Variants in NRG1 observed in about 807,000 individuals in gnomAD.
NRG1 encodes the protein pro-neuregulin-1, membrane-bound isoform.
In NRG1, 18 loss-of-function variants were observed where a neutral mutation model predicts 63.8. That is an observed-to-expected ratio of 0.28 (90% CI 0.19 to 0.42). NRG1 has a LOEUF of 0.42. NRG1 is among the 10% of genes least tolerant of loss of function. The pLI is 1.00. For synonymous variants in NRG1, 302 were observed against 301.3 expected (o/e 1.00, Z -0.02); for missense variants, 762 against 814.7 (o/e 0.94, Z 0.79).
At chr8:31,676,003 A>G (rs988534581) in intron 1 of NRG1, among the ~76,000 whole-genome samples, 3 of 152,178 alleles carry the variant, frequency 2.0e-5, no homozygotes, top group Non-Finnish European at 2.9e-5. Flanking sequence ...TGGCTAATCT[A>G]TAAGCAGTCA....
At chr8:32,589,277 A>T (rs1001303738) in intron 1 of NRG1, among the ~76,000 whole-genome samples, 1 of 152,242 alleles carries the variant, frequency 6.6e-6, no homozygotes, top group Non-Finnish European at 1.5e-5. Context: ...ACAAGGAGAG[A>T]GAAATATGAC....
intron 5 of NRG1, among the ~76,000 whole-genome samples, chr8:32,725,140 G>A (rs981111496): frequency 3.3e-5 from 5 of 151,984 alleles, no homozygotes; most frequent in African/African-American, 1.2e-4. Context: ...GTCTACATTT[G>A]GGGGGGAGTT....
At chr8:32,540,192 A>C (rs1320617769) in intron 1 of NRG1, among the ~76,000 whole-genome samples, 3 of 152,166 alleles carry the variant, frequency 2.0e-5, no homozygotes, top group Non-Finnish European at 4.4e-5. Flanking sequence ...AGGATAAAGG[A>C]AGGAGAGTAT....
At chr8:32,639,988 A>G (rs1171638727) in intron 5 of NRG1, among the ~76,000 whole-genome samples, 6 of 152,242 alleles carry the variant, frequency 3.9e-5, no homozygotes, top group Non-Finnish European at 8.8e-5. Flanking sequence ...CATAAAAGCA[A>G]AATTATATCT....
chr8:31,841,257 G>A (rs1826177671), intron 1 of NRG1, among the ~76,000 whole-genome samples: 1 of 152,034 alleles, frequency 6.6e-6, no homozygotes, highest in Admixed American at 6.6e-5. Flanking sequence ...TGGGCTTCTG[G>A]AGAGACACAG....
At chr8:32,088,993 G>A (rs1047360257) in intron 1 of NRG1, among the ~76,000 whole-genome samples, 6 of 152,192 alleles carry the variant, frequency 3.9e-5, no homozygotes, top group Middle Eastern at 3.4e-3. Context: ...GCCTATTTTG[G>A]TCTCTAAACT....
chr8:31,681,780 C>T (rs1808362763), intron 1 of NRG1, among the ~76,000 whole-genome samples: 1 of 151,134 alleles, frequency 6.6e-6, no homozygotes, highest in Admixed American at 6.6e-5. Flanking sequence ...AGAATACTTG[C>T]TTGGAAAATT....
intron 1 of NRG1, among the ~76,000 whole-genome samples, chr8:31,986,248 A>C (rs754182446): frequency 6.6e-6 from 1 of 152,068 alleles, no homozygotes; most frequent in Admixed American, 6.6e-5. Flanking sequence ...AAAGTGCATC[A>C]GTAAGAGATC....
intron 1 of NRG1, among the ~76,000 whole-genome samples, chr8:31,927,677 T>C (rs1834492042): frequency 6.7e-6 from 1 of 149,174 alleles, no homozygotes; most frequent in Non-Finnish European, 1.5e-5. Context: ...CTCGATCTCC[T>C]GACCTCGTGA....
intron 1 of NRG1, among the ~76,000 whole-genome samples, chr8:32,081,872 T>C (rs900678599): frequency 5.9e-5 from 9 of 152,110 alleles, no homozygotes; most frequent in Admixed American, 5.9e-4. Flanking sequence ...CCCAGGAGGC[T>C]CTTTGATTCT....
At chr8:32,332,449 T>C (rs1802767557) in intron 1 of NRG1, among the ~76,000 whole-genome samples, 3 of 152,214 alleles carry the variant, frequency 2.0e-5, no homozygotes, top group Admixed American at 2.0e-4. Context: ...GTCAGTCACT[T>C]CTCTGTGTGC....
At chr8:32,081,651 A>G (rs991662061) in intron 1 of NRG1, among the ~76,000 whole-genome samples, 1 of 152,152 alleles carries the variant, frequency 6.6e-6, no homozygotes, top group African/African-American at 2.4e-5. Context: ...TAATATTTGG[A>G]AAGACAGACT....
intron 5 of NRG1, among the ~76,000 whole-genome samples, chr8:32,667,646 A>G (rs781321649): frequency 1.3e-5 from 2 of 152,178 alleles, no homozygotes; most frequent in Admixed American, 6.5e-5. Flanking sequence ...AGTGCTTGCT[A>G]GAGAGATGTT....
rs1324543354 is a variant in NRG1 at position 32,728,149 on chromosome 8, T to C, written c.632+71T>C. 3 of 1,580,162 alleles carry C rather than the reference T, an allele frequency of 1.9e-6. No individual in the cohort carries two copies. In the East Asian group the frequency reaches 6.8e-5, roughly 36 times the overall value. ...TTTCAGATGATTCTATGTCTCATGA[T>C]GTATTGTTGCTTTTTTTCCAATTTT... On this transcript the variant is annotated intron_variant, in intron 6 of 11. Transcript: ENST00000356819.
chr8:32,687,739 A>G (rs1328759428), intron 5 of NRG1, among the ~76,000 whole-genome samples: 1 of 152,214 alleles, frequency 6.6e-6, no homozygotes, highest in Non-Finnish European at 1.5e-5. Flanking sequence ...ATATAATCAT[A>G]ACTGTAGTCA....
intron 1 of NRG1, among the ~76,000 whole-genome samples, chr8:31,916,775 G>A (rs560034961): frequency 7.8e-4 from 119 of 151,966 alleles, no homozygotes; most frequent in African/African-American, 2.6e-3. Context: ...CTGAGGAATC[G>A]CCACACTGAC....
intron 1 of NRG1, among the ~76,000 whole-genome samples, chr8:32,399,155 C>A (rs922815729): frequency 8.5e-5 from 13 of 152,070 alleles, no homozygotes; most frequent in South Asian, 2.1e-4. Context: ...ATTATTTTTT[C>A]ATTAGAGTCC....
intron 1 of NRG1, 151 bp downstream of exon 1, chr8:32,548,977 T>TC: frequency 8.8e-7 from 1 of 1,141,434 alleles, no homozygotes; most frequent in Non-Finnish European, 1.2e-6. Context: ...GCGCGGTGCT[T>TC]CCCCTCCTGG....
chr8:31,662,812 A>G (rs1806131088), intron 1 of NRG1, among the ~76,000 whole-genome samples: 1 of 152,178 alleles, frequency 6.6e-6, no homozygotes, highest in Admixed American at 6.5e-5. Flanking sequence ...AAAAACACAT[A>G]CCAAGAACTT....
Sources: gnomAD v4.1 joint callset for allele counts (sites outside exome capture counted in the v4.1 genomes callset) on GRCh38, gnomAD v4.1.1 for gene constraint, MANE v1.5 for transcripts, NCBI Gene and HGNC (gene_info 2026-07-23, HGNC 2026-07-21) for gene names.